The following WDFY4 variants were observed in gnomAD, a reference collection of about 807,000 sequenced individuals.
WDFY4 encodes WDFY family member 4, also known as WD repeat- and FYVE domain-containing protein 4.
A neutral mutation model predicts 351.9 loss-of-function variants in WDFY4; 169 were observed. The observed-to-expected ratio is 0.48, with a 90% CI of 0.42 to 0.55. The LOEUF is 0.55. Among genes scored for constraint, WDFY4 ranks in the 20% least tolerant of loss-of-function variants. WDFY4 has a pLI of 0.00. For missense variants in WDFY4, 3,803 were observed against 3,935.6 expected, an observed-to-expected ratio of 0.97 and a Z score of 0.90; for synonymous variants, 1,622 against 1,574.6, an observed-to-expected ratio of 1.03 and a Z score of -0.71.
chr10:48,957,015 T>G, intron 51 of WDFY4, 114 bp from the exon 52 acceptor site: 1 of 1,359,444 alleles, frequency 7.4e-7, no homozygotes, highest in Non-Finnish European at 9.9e-7. Flanking sequence ...GTGAGGAGAG[T>G]AAATGAGAGG....
intron 57 of WDFY4, among the ~76,000 whole-genome samples, chr10:48,970,944 A>G (rs989763215): frequency 6.6e-5 from 10 of 152,212 alleles, no homozygotes; most frequent in Non-Finnish European, 1.2e-4. Flanking sequence ...TTTGCTTAAC[A>G]TTCCAAATGC....
chr10:48,868,561 G>A (rs760968275), intron 40 of WDFY4, among the ~76,000 whole-genome samples: 72 of 152,132 alleles, frequency 4.7e-4, no homozygotes, highest in Non-Finnish European at 7.2e-4. Context: ...ACCATTGCAC[G>A]TTAATGACTC....
At chr10:48,717,667 A>G (rs2063951470) in intron 2 of WDFY4, among the ~76,000 whole-genome samples, 1 of 152,196 alleles carries the variant, frequency 6.6e-6, no homozygotes, top group Non-Finnish European at 1.5e-5. Context: ...ACTGTAATAT[A>G]CTTTTACAAC....
intron 24 of WDFY4, among the ~76,000 whole-genome samples, chr10:48,800,730 C>CTTTCTT (rs1555016198): frequency 3.2e-5 from 3 of 92,808 alleles, no homozygotes; most frequent in East Asian, 3.1e-4. Context: ...TTCATTCTTT[C>CTTTCTT]TTTTTTTTTT....
chr10:48,705,421 TG>T (rs935526411), intron 1 of WDFY4, among the ~76,000 whole-genome samples: 1 of 152,144 alleles, frequency 6.6e-6, no homozygotes, highest in African/African-American at 2.4e-5. Flanking sequence ...TAAGCCCCGA[TG>T]GGTCCCTTTT....
rs1564436953 is a variant in WDFY4, at chr10:48,873,471, A to T, written c.6742-20A>T. ...CCATAAGGCAAATGTATCCAGGGTG[A>T]CTCTGTTTCTGCTCCCCAGAGGCGA... On this transcript the variant is annotated intron_variant, in intron 40 of 61. Transcript: ENST00000325239. 1 of 1,531,568 alleles carries T rather than the reference A, an allele frequency of 6.5e-7. No individual in the cohort carries two copies. Among genetic ancestry groups the T allele is most frequent in the African/African-American group, 1.4e-5 (1 of 72,236 alleles). 94.9% of individuals were successfully genotyped at this position (1,531,568 alleles called of 1,614,324 possible). A position where few individuals can be genotyped will look rare whatever the true frequency, so the allele number is the denominator to read the frequency against.
intron 39 of WDFY4, among the ~76,000 whole-genome samples, chr10:48,853,758 T>C (rs2069034583): frequency 6.6e-6 from 1 of 152,240 alleles, no homozygotes; most frequent in African/African-American, 2.4e-5. Context: ...ACCAGTCCCC[T>C]CTTCTGTAAG....
chr10:48,764,660 CAG>C lies in WDFY4; in HGVS notation c.2553+4225_2553+4226del, dbSNP rs144761108. ...TGCTGTGCACCAGGCACTCACAATG[CAG>C]AGAGTGGAAAGCCAGGTCTAGTTTA... On this transcript the variant is annotated intron_variant, in intron 13 of 61. Coordinates refer to ENST00000325239, the MANE Select transcript of WDFY4 (RefSeq NM_001394531.1). 7.5e-3 allele frequency among the ~76,000 whole-genome samples: 1,138 copies of C among 152,316 alleles called. 15 individuals carry two copies. Among genetic ancestry groups the C allele is most frequent in the African/African-American group, 0.026 (1,082 of 41,564 alleles).
At chr10:48,885,984 A>C (rs965217752) in intron 43 of WDFY4, among the ~76,000 whole-genome samples, 1 of 152,188 alleles carries the variant, frequency 6.6e-6, no homozygotes, top group East Asian at 1.9e-4. Flanking sequence ...TGCCAATACT[A>C]TTAGAATGTA....
At position 48,943,442 on chromosome 10, in the gene WDFY4, C is replaced by T. The variant is rs1179833635; in HGVS notation, c.7742C>T (p.Thr2581Ile). 4.5e-6 allele frequency: 7 copies of T among 1,551,650 alleles called. No homozygotes were observed. The highest frequency in any genetic ancestry group is 2.4e-5 in the East Asian group (1 of 40,922). ...PVFPWVLADY[T>I]SETLNLANPK... The stretch of plus-strand genomic sequence containing the variant: ...TTCCCCTGGGTCCTCGCAGACTACA[C>T]CTCAGAGGTAAGTTCCTCACGTGGA... Residue 2581 changes from threonine to isoleucine, a missense_variant, in exon 49 of 62, where the codon ACC becomes ATC. Transcript: ENST00000325239.
At chr10:48,886,090 G>A (rs150411608) in intron 43 of WDFY4, among the ~76,000 whole-genome samples, 6 of 152,294 alleles carry the variant, frequency 3.9e-5, no homozygotes, top group South Asian at 4.2e-4. Flanking sequence ...CTCACTCACC[G>A]TACACACAAA....
At chr10:48,885,724 C>T (rs12571076) in intron 43 of WDFY4, among the ~76,000 whole-genome samples, 1 of 150,750 alleles carries the variant, frequency 6.6e-6, no homozygotes, top group Non-Finnish European at 1.5e-5. Flanking sequence ...TTCTCTCTCT[C>T]TCTCTCTCTC....
intron 43 of WDFY4, among the ~76,000 whole-genome samples, chr10:48,887,332 A>G (rs1375434785): frequency 6.6e-6 from 1 of 152,254 alleles, no homozygotes; most frequent in Non-Finnish European, 1.5e-5. Context: ...GGGAAAAGGT[A>G]CAATAAGAGA....
At chr10:48,899,758 G>A (rs568388967) in intron 45 of WDFY4, among the ~76,000 whole-genome samples, 156 of 152,300 alleles carry the variant, frequency 1.0e-3, no homozygotes, top group African/African-American at 3.5e-3. Flanking sequence ...TGCCAGTGGG[G>A]CCACATCAAA....
intron 1 of WDFY4, among the ~76,000 whole-genome samples, chr10:48,693,231 C>G (rs962856769): frequency 3.3e-5 from 5 of 152,130 alleles, no homozygotes; most frequent in Admixed American, 6.5e-5. Flanking sequence ...GAGGGACATG[C>G]TGGAGTTGTG....
chr10:48,737,862 C>A (rs949616882), intron 11 of WDFY4, among the ~76,000 whole-genome samples: 5 of 152,144 alleles, frequency 3.3e-5, no homozygotes, highest in Non-Finnish European at 2.9e-5. Flanking sequence ...TCATGTGGTC[C>A]AATCTCTTAA....
chr10:48,937,008 C>T (rs1250192430), intron 47 of WDFY4, among the ~76,000 whole-genome samples: 1 of 151,838 alleles, frequency 6.6e-6, no homozygotes, highest in Non-Finnish European at 1.5e-5. Flanking sequence ...CAAACTTCAC[C>T]TCCCGGGTTC....
chr10:48,743,626 A>G, intron 12 of WDFY4, 78 bp downstream of exon 12: 1 of 1,430,498 alleles, frequency 7.0e-7, no homozygotes, highest in Non-Finnish European at 9.3e-7. Context: ...ATGTGTACTC[A>G]GTAGGAAGGC....
In WDFY4 at chr10:48,775,764, C is replaced by T. The variant is rs1450682522; in HGVS notation, c.2821C>T (p.Leu941Phe). ...PSSLSATTKI[L>F]DSSHTHRGNP... ...ATCTCTGTCGGCCACAACAAAAATCCTTGATTCATCTCACACACACAGAGG... is the reference window on the plus strand; with the variant it reads ...ATCTCTGTCGGCCACAACAAAAATCTTTGATTCATCTCACACACACAGAGG... The change falls in exon 15 of 62, where the codon CTT (leucine) becomes TTT (phenylalanine). Residue 941 changes from leucine to phenylalanine, a missense_variant. By Grantham distance (22) the Leu-to-Phe change is conservative. Transcript: ENST00000325239. 7.1e-6 allele frequency: 11 copies of T among 1,551,590 alleles called. No homozygotes were observed. The African/African-American group carries it at 8.2e-5, about 12-fold the overall frequency.
Sources: gnomAD v4.1 joint callset for allele counts (sites outside exome capture counted in the v4.1 genomes callset) on GRCh38, gnomAD v4.1.1 for gene constraint, MANE v1.5 for transcripts, NCBI Gene and HGNC (gene_info 2026-07-23, HGNC 2026-07-21) for gene names.